Variants in AFF2 observed in about 807,000 individuals in gnomAD.
The protein encoded by AFF2 is AF4/FMR2 family member 2.
A neutral mutation model predicts 76.9 loss-of-function variants in AFF2; 14 were observed. That is an observed-to-expected ratio of 0.18 (90% CI 0.12 to 0.28). The LOEUF (loss-of-function observed/expected upper bound fraction) is 0.28. Among genes scored for constraint, AFF2 ranks in the 10% least tolerant of loss-of-function variants. The pLI is 1.00. For missense variants in AFF2, 868 were observed against 1,001.1 expected (o/e 0.87, Z 1.79); for synonymous variants, 398 against 366.7 (o/e 1.09, Z -0.98).
intron 15 of AFF2, among the ~76,000 whole-genome samples, chrX:148,972,851 C>T (rs1557289689): frequency 5.5e-5 from 1 of 18,044 alleles, no homozygotes; most frequent in Admixed American, 7.0e-4. Context: ...TCCTTGCCCA[C>T]GCCTATGTCC....
chrX:148,947,494 C>T (rs1557286204), intron 9 of AFF2, among the ~76,000 whole-genome samples: 1 of 111,684 alleles, frequency 9.0e-6, no homozygotes, highest in East Asian at 2.8e-4. Flanking sequence ...TCTGTGTACA[C>T]TTTCTATTGC....
intron 9 of AFF2, among the ~76,000 whole-genome samples, chrX:148,932,595 T>C (rs978485682): frequency 3.6e-5 from 4 of 111,857 alleles, no homozygotes; most frequent in Non-Finnish European, 5.6e-5. Flanking sequence ...TCTCTCCGGT[T>C]GGGTTAACTG....
intron 16 of AFF2, among the ~76,000 whole-genome samples, chrX:148,974,671 G>T: frequency 8.9e-6 from 1 of 112,146 alleles, no homozygotes; most frequent in Non-Finnish European, 1.9e-5. Flanking sequence ...CAGAAGTTTA[G>T]TTAGAGCCAC....
chrX:148,890,205 G>A (rs955182060), intron 8 of AFF2, among the ~76,000 whole-genome samples: 5 of 111,650 alleles, frequency 4.5e-5, no homozygotes, highest in African/African-American at 1.6e-4. Flanking sequence ...GAATAAAGAA[G>A]CCTGGGGTTT....
intron 9 of AFF2, among the ~76,000 whole-genome samples, chrX:148,923,938 G>A (rs782410356): frequency 9.0e-6 from 1 of 111,552 alleles, no homozygotes; most frequent in South Asian, 3.8e-4. Flanking sequence ...AGTTATGGAG[G>A]TTTCTCTGGA....
intron 1 of AFF2, among the ~76,000 whole-genome samples, chrX:148,580,747 A>C (rs782496571): frequency 9.3e-6 from 1 of 107,890 alleles, no homozygotes; most frequent in Non-Finnish European, 1.9e-5. Flanking sequence ...GTGTGTGTGT[A>C]TATATATATG....
At position 148,998,446 on chromosome X, in the gene AFF2, C is replaced by A. The variant is rs989271831; in HGVS notation, c.*7114C>A. The A allele has an allele frequency of 8.9e-6, 1 of 112,668 alleles. No individual in the cohort carries two copies. Among genetic ancestry groups the A allele is most frequent in the Non-Finnish European group, 1.9e-5 (1 of 53,321 alleles). 9.3% of individuals were successfully genotyped at this position (112,668 alleles called of 1,213,427 possible). A position where few individuals can be genotyped will look rare whatever the true frequency, so the allele number is the denominator to read the frequency against. ...AAAACATGCCCCCTGGAAAGGCATG[C>A]TGTATTATGAAATCGTGATAATATA... On this transcript the variant is annotated 3_prime_UTR_variant, in exon 21 of 21. Transcript: ENST00000370460.
intron 15 of AFF2, among the ~76,000 whole-genome samples, chrX:148,971,747 C>CTTTTTTTTTTTTTTTTTT (rs781928514): frequency 1.3e-4 from 6 of 44,731 alleles, no homozygotes; most frequent in Admixed American, 3.3e-4. Flanking sequence ...TTTTCTATTT[C>CTTTTTTTTTTTTTTTTTT]TTTTTTTTTT....
At chrX:148,734,597 T>C (rs1461833205) in intron 3 of AFF2, among the ~76,000 whole-genome samples, 4 of 111,881 alleles carry the variant, frequency 3.6e-5, no homozygotes, top group African/African-American at 1.3e-4. Context: ...GGTCATTCTC[T>C]TGTTTGTCTT....
At chrX:148,637,394 G>A (rs781942904) in intron 1 of AFF2, among the ~76,000 whole-genome samples, 8 of 112,297 alleles carry the variant, frequency 7.1e-5, no homozygotes, top group Non-Finnish European at 1.1e-4. Context: ...AGGCCGCATA[G>A]GTTAGACTGT....
At chrX:148,682,446 G>A (rs1032671645) in intron 3 of AFF2, among the ~76,000 whole-genome samples, 2 of 111,937 alleles carry the variant, frequency 1.8e-5, no homozygotes, top group African/African-American at 6.5e-5. Flanking sequence ...GGTTACATGG[G>A]AAATAAAGGA....
chrX:148,718,997 G>T, intron 3 of AFF2: 1 of 867,019 alleles, frequency 1.2e-6, no homozygotes, highest in East Asian at 3.5e-5. Flanking sequence ...AGTTTAAATT[G>T]AGATGATGTC....
intron 15 of AFF2, among the ~76,000 whole-genome samples, chrX:148,971,126 G>GT (rs142941450): frequency 0.021 from 1,440 of 68,932 alleles, 24 homozygotes; most frequent in Admixed American, 0.061. Flanking sequence ...TAACTTCATT[G>GT]TTTTTTTTTT....
intron 7 of AFF2, among the ~76,000 whole-genome samples, chrX:148,875,067 A>C (rs2071020944): frequency 8.9e-6 from 1 of 112,082 alleles, no homozygotes; most frequent in South Asian, 3.7e-4. Context: ...TGTTCAGAAA[A>C]TTCCTCTGTA....
At chrX:148,879,041 C>A (rs1372859303) in intron 7 of AFF2, among the ~76,000 whole-genome samples, 1 of 111,742 alleles carries the variant, frequency 8.9e-6, no homozygotes, top group African/African-American at 3.3e-5. Flanking sequence ...GAAGAGGTGA[C>A]AGTTGATTGA....
chrX:148,947,846 C>T lies in AFF2; in HGVS notation c.1398-5734C>T, dbSNP rs782222581. Among the ~76,000 whole-genome samples the T allele has an allele frequency of 2.7e-5, 3 of 112,496 alleles. No homozygotes were observed. The Admixed American group carries it at 2.8e-4, about 11-fold the overall frequency. Reference sequence around the variant, plus strand: ...AAACCATTCTAAATTACCTAATAGACATTTTATCCCAGTAAAACTGGAACA... The same window carrying T: ...AAACCATTCTAAATTACCTAATAGATATTTTATCCCAGTAAAACTGGAACA... On this transcript the variant is annotated intron_variant, in intron 9 of 20. Transcript: ENST00000370460.
At chrX:148,673,138 CATAG>C (rs782361951) in intron 3 of AFF2, among the ~76,000 whole-genome samples, 14 of 111,957 alleles carry the variant, frequency 1.3e-4, no homozygotes, top group Middle Eastern at 9.3e-3. Flanking sequence ...GCAGATGGTC[CATAG>C]ATAGTCTACT....
intron 16 of AFF2, among the ~76,000 whole-genome samples, chrX:148,974,793 C>G (rs2072301353): frequency 9.0e-6 from 1 of 111,584 alleles, no homozygotes; most frequent in Non-Finnish European, 1.9e-5. Context: ...TCAAGTATTT[C>G]TCCTTGACTT....
chrX:148,953,562 A>G lies in AFF2; in HGVS notation c.1398-18A>G. The G allele has an allele frequency of 1.7e-6, 2 of 1,197,257 alleles. No individual in the cohort carries two copies. Among genetic ancestry groups the G allele is most frequent in the East Asian group, 5.9e-5 (2 of 33,671 alleles). Reference sequence around the variant, plus strand: ...TTGAGAGTAAATGAGGCAATGAATTATGTTGTTTTTCTTTCAGCCCACCCT... The same window carrying G: ...TTGAGAGTAAATGAGGCAATGAATTGTGTTGTTTTTCTTTCAGCCCACCCT... On this transcript the variant is annotated intron_variant, in intron 9 of 20. Transcript: ENST00000370460.
Sources: gnomAD v4.1 joint callset for allele counts (sites outside exome capture counted in the v4.1 genomes callset) on GRCh38, gnomAD v4.1.1 for gene constraint, MANE v1.5 for transcripts, NCBI Gene and HGNC (gene_info 2026-07-23, HGNC 2026-07-21) for gene names.